Variants in SUGCT observed in about 807,000 individuals in gnomAD.
The protein encoded by SUGCT is succinyl-CoA:glutarate CoA-transferase.
A neutral mutation model predicts 55.0 loss-of-function variants in SUGCT; 41 were observed. That is an observed-to-expected ratio of 0.74 (90% CI 0.58 to 0.97). The LOEUF is 0.97. SUGCT is among the 50% of genes least tolerant of loss of function. SUGCT has a pLI of 0.00. For synonymous variants in SUGCT, 187 were observed against 200.4 expected (o/e 0.93, Z 0.56); for missense variants, 568 against 547.8 (o/e 1.04, Z -0.37).
At chr7:40,188,129 G>A (rs1037462431) in intron 3 of SUGCT, among the ~76,000 whole-genome samples, 2 of 150,068 alleles carry the variant, frequency 1.3e-5, no homozygotes, top group Non-Finnish European at 3.0e-5. Flanking sequence ...TATTTTCAAG[G>A]TCACTTAGAA....
At chr7:40,343,916 A>G (rs1797182581) in intron 9 of SUGCT, among the ~76,000 whole-genome samples, 1 of 152,156 alleles carries the variant, frequency 6.6e-6, no homozygotes, top group African/African-American at 2.4e-5. Flanking sequence ...TCGGCCTCCC[A>G]AAGTGCTGGG....
intron 12 of SUGCT, among the ~76,000 whole-genome samples, chr7:40,632,627 T>C (rs1799836731): frequency 6.6e-6 from 1 of 151,524 alleles, no homozygotes; most frequent in African/African-American, 2.4e-5. Flanking sequence ...AAGAATGTTA[T>C]GTATCTGTTT....
At chr7:40,912,061 A>G in the SUGCT span, among the ~76,000 whole-genome samples, 2 of 152,196 alleles carry the variant, frequency 1.3e-5, no homozygotes, top group African/African-American at 4.8e-5. Flanking sequence ...TGACAAATTT[A>G]CTGCCCTGAA....
intron 11 of SUGCT, among the ~76,000 whole-genome samples, chr7:40,484,118 TAGATTA>T (rs1302381989): frequency 6.6e-6 from 1 of 152,162 alleles, no homozygotes; most frequent in Non-Finnish European, 1.5e-5. Context: ...GTCACAAAAG[TAGATTA>T]AGATTAAATG....
chr7:40,977,892 T>C, the SUGCT span, among the ~76,000 whole-genome samples: 4 of 152,144 alleles, frequency 2.6e-5, no homozygotes, highest in Admixed American at 2.0e-4. Context: ...GTCTGGCTGA[T>C]GTATTTCTGT....
intron 13 of SUGCT, among the ~76,000 whole-genome samples, chr7:40,853,076 C>CA (rs60985337): frequency 0.049 from 4,658 of 95,078 alleles, 94 homozygotes; most frequent in Non-Finnish European, 0.067. Context: ...CACAACACTT[C>CA]AAAAAAAAAA....
chr7:40,478,657 G>T (rs1790848406), intron 11 of SUGCT, among the ~76,000 whole-genome samples: 1 of 152,138 alleles, frequency 6.6e-6, no homozygotes, highest in African/African-American at 2.4e-5. Context: ...CACTGCAGCA[G>T]GTTAGCACTG....
chr7:40,953,725 C>A, the SUGCT span, among the ~76,000 whole-genome samples: 1 of 152,178 alleles, frequency 6.6e-6, no homozygotes, highest in Non-Finnish European at 1.5e-5. Context: ...CACTCCAGAC[C>A]CTGTTTGCCT....
chr7:40,520,847 G>A (rs1297517860), intron 12 of SUGCT, among the ~76,000 whole-genome samples: 1 of 152,036 alleles, frequency 6.6e-6, no homozygotes, highest in Non-Finnish European at 1.5e-5. Context: ...CAATTTAGGT[G>A]GCAGAACAAA....
At chr7:40,525,751 AT>A (rs1793761261) in intron 12 of SUGCT, among the ~76,000 whole-genome samples, 1 of 152,052 alleles carries the variant, frequency 6.6e-6, no homozygotes, top group Admixed American at 6.6e-5. Flanking sequence ...CTTGATACTG[AT>A]TTTCTGGTTT....
At chr7:40,219,003 T>A (rs1787854571) in intron 6 of SUGCT, among the ~76,000 whole-genome samples, 1 of 152,150 alleles carries the variant, frequency 6.6e-6, no homozygotes, top group African/African-American at 2.4e-5. Context: ...TTGCTACTAC[T>A]CACTCTTTGG....
At chr7:40,584,934 A>T (rs967835628) in intron 12 of SUGCT, among the ~76,000 whole-genome samples, 1 of 152,192 alleles carries the variant, frequency 6.6e-6, no homozygotes, top group African/African-American at 2.4e-5. Flanking sequence ...GAAAACCAGG[A>T]TCTTCTAAGG....
the SUGCT span, among the ~76,000 whole-genome samples, chr7:40,905,033 C>T: frequency 6.6e-6 from 1 of 152,140 alleles, no homozygotes; most frequent in African/African-American, 2.4e-5. Flanking sequence ...ACATGGTTAA[C>T]TCATGGAGTG....
At chr7:40,832,677 C>CTT (rs34767975) in intron 13 of SUGCT, among the ~76,000 whole-genome samples, 1 of 141,316 alleles carries the variant, frequency 7.1e-6, no homozygotes, top group Non-Finnish European at 1.5e-5. Flanking sequence ...TCCACTCCTA[C>CTT]TTTTTTTTTT....
rs1256570205 is a variant in SUGCT at position 40,457,884 on chromosome 7, G to A, written c.889-1217G>A. Among the ~76,000 whole-genome samples, 7 of 152,286 alleles carry A rather than the reference G, an allele frequency of 4.6e-5. No individual in the cohort carries two copies. The East Asian group carries it at 1.4e-3, about 29-fold the overall frequency. ...CTTGGAATGACTTATTCACTCTTAC[G>A]GAGGGAGGGTGTCTAACTGCTAGAC... On this transcript the variant is annotated intron_variant, in intron 10 of 13. Transcript: ENST00000335693.
At position 40,241,964 on chromosome 7, in the gene SUGCT, C is replaced by G. The variant is rs184852944; in HGVS notation, c.576+4238C>G. Among the ~76,000 whole-genome samples the G allele has an allele frequency of 5.4e-5, 8 of 147,938 alleles. No homozygotes were observed. In the East Asian group the frequency reaches 1.4e-3, roughly 26 times the overall value. ...TCTTTATCATGTGATTTTGGGTAAA[C>G]TAATTACTGTTGACCTTTACTAAAT... is the stretch of plus-strand genomic sequence containing the variant. On this transcript the variant is annotated intron_variant, in intron 7 of 13. Transcript: ENST00000335693.
At chr7:40,242,947 T>A (rs1216030182) in intron 7 of SUGCT, among the ~76,000 whole-genome samples, 1 of 70,436 alleles carries the variant, frequency 1.4e-5, no homozygotes, top group East Asian at 4.6e-4. Context: ...TTTTTTTTTT[T>A]TTTTTTTTTT....
the SUGCT span, among the ~76,000 whole-genome samples, chr7:41,014,501 A>G: frequency 2.0e-5 from 3 of 152,228 alleles, no homozygotes; most frequent in Non-Finnish European, 2.9e-5. Context: ...TCTTACTGGA[A>G]AGAACATGAG....
intron 9 of SUGCT, among the ~76,000 whole-genome samples, chr7:40,358,713 T>TCAAAAA (rs1554320793): frequency 9.9e-6 from 1 of 101,056 alleles, no homozygotes; most frequent in Non-Finnish European, 2.0e-5. Context: ...AAACTCCATC[T>TCAAAAA]CAAAAACAAC....
Sources: allele counts gnomAD v4.1 joint callset (sites outside exome capture counted in the v4.1 genomes callset), GRCh38; gene constraint gnomAD v4.1.1; transcripts MANE v1.5; gene names NCBI Gene and HGNC (gene_info 2026-07-23, HGNC 2026-07-21).